GABRA3: variants seen among roughly 807,000 people sequenced by gnomAD.
GABRA3 encodes gamma-aminobutyric acid receptor subunit alpha-3.
GABRA3 carries 10 observed loss-of-function variants against 30.1 expected under a neutral mutation model. The observed-to-expected ratio is 0.33, with a 90% CI of 0.20 to 0.56. The LOEUF is 0.56. GABRA3 is among the 20% of genes least tolerant of loss of function. GABRA3 has a pLI of 0.89. For synonymous variants in GABRA3, 151 were observed against 146.8 expected, an observed-to-expected ratio of 1.03 and a Z score of -0.21; for missense variants, 233 against 392.0, an observed-to-expected ratio of 0.59 and a Z score of 3.42.
intron 1 of GABRA3, among the ~76,000 whole-genome samples, chrX:152,382,751 C>T (rs1425420749): frequency 2.7e-5 from 3 of 111,370 alleles, no homozygotes; most frequent in Non-Finnish European, 5.6e-5. Context: ...ATTCAGTTTT[C>T]CCAACACTAT....
chrX:152,207,752 G>GCA (rs762342133), intron 7 of GABRA3, among the ~76,000 whole-genome samples: 1 of 111,954 alleles, frequency 8.9e-6, no homozygotes, highest in East Asian at 2.8e-4. Flanking sequence ...TCTTCAAGAG[G>GCA]CAGCAGGCAA....
At chrX:152,345,354 T>A (rs1350191470) in intron 3 of GABRA3, among the ~76,000 whole-genome samples, 1 of 111,737 alleles carries the variant, frequency 8.9e-6, no homozygotes, top group East Asian at 2.8e-4. Flanking sequence ...TGTGTATTAC[T>A]CCATATGCAC....
At chrX:152,355,453 C>T (rs886467207) in intron 2 of GABRA3, among the ~76,000 whole-genome samples, 1 of 111,337 alleles carries the variant, frequency 9.0e-6, no homozygotes, top group Non-Finnish European at 1.9e-5. Flanking sequence ...GGCTCTCTCC[C>T]TGTGAAATCT....
At chrX:152,388,321 C>T (rs1929382483) in intron 1 of GABRA3, among the ~76,000 whole-genome samples, 1 of 111,437 alleles carries the variant, frequency 9.0e-6, no homozygotes, top group Admixed American at 9.6e-5. Flanking sequence ...TCAATGAGTG[C>T]CCACCTGATC....
intron 1 of GABRA3, among the ~76,000 whole-genome samples, chrX:152,376,968 A>T (rs753190211): frequency 6.2e-5 from 7 of 112,112 alleles, no homozygotes; most frequent in African/African-American, 1.9e-4. Flanking sequence ...ATTGTCAAGA[A>T]TAATGGAAAA....
At chrX:152,200,218 G>A (rs1464781416) in intron 7 of GABRA3, among the ~76,000 whole-genome samples, 3 of 111,675 alleles carry the variant, frequency 2.7e-5, no homozygotes, top group African/African-American at 9.8e-5. Context: ...TCTTATCAGA[G>A]CTTCTTATTT....
Position 152,392,781 on chromosome X carries a change from A to T in GABRA3, c.-26-28185T>A, listed in dbSNP as rs758882148. On this transcript the variant is annotated intron_variant, in intron 1 of 9. Coordinates refer to ENST00000370314, the MANE Select transcript of GABRA3 (RefSeq NM_000808.4). ...CAGGTACACAAAAGTAGTTTACACT[A>T]TTACGTAGCATTTATGCCAAAGGAG... Among the ~76,000 whole-genome samples the T allele has an allele frequency of 6.2e-5, 7 of 112,409 alleles. No individual in the cohort carries two copies. In the South Asian group the frequency reaches 1.9e-3, roughly 30 times the overall value.
At chrX:152,440,836 G>A (rs1489864227) in intron 1 of GABRA3, among the ~76,000 whole-genome samples, 1 of 110,595 alleles carries the variant, frequency 9.0e-6, no homozygotes, top group Non-Finnish European at 1.9e-5. Flanking sequence ...ACACAGGGAG[G>A]GGAACATCAC....
intron 1 of GABRA3, among the ~76,000 whole-genome samples, chrX:152,440,294 G>A (rs764494700): frequency 3.0e-4 from 34 of 112,518 alleles, no homozygotes; most frequent in African/African-American, 1.0e-3. Flanking sequence ...GCTCATTAGA[G>A]AAATGCAAAT....
intron 5 of GABRA3, among the ~76,000 whole-genome samples, chrX:152,228,550 A>C (rs1487904717): frequency 9.0e-6 from 1 of 110,707 alleles, no homozygotes; most frequent in Non-Finnish European, 1.9e-5. Context: ...TGGAAATAAT[A>C]ATATAAGTGG....
At chrX:152,379,006 A>T (rs1377875745) in intron 1 of GABRA3, among the ~76,000 whole-genome samples, 1 of 111,823 alleles carries the variant, frequency 8.9e-6, no homozygotes, top group Non-Finnish European at 1.9e-5. Context: ...TACACAAAAC[A>T]TAGATGTCTC....
intron 4 of GABRA3, among the ~76,000 whole-genome samples, chrX:152,264,861 A>C (rs1008963726): frequency 2.7e-5 from 3 of 111,693 alleles, no homozygotes; most frequent in Non-Finnish European, 5.7e-5. Flanking sequence ...TATATCAGAC[A>C]AAATAGATAT....
At chrX:152,360,578 G>A (rs867384707) in intron 2 of GABRA3, among the ~76,000 whole-genome samples, 75 of 74,933 alleles carry the variant, frequency 1.0e-3, no homozygotes, top group African/African-American at 3.5e-3. Context: ...GGATAGCATT[G>A]GGAGATATAC....
chrX:152,173,329 C>T (rs1459908733), intron 9 of GABRA3, among the ~76,000 whole-genome samples: 1 of 110,561 alleles, frequency 9.0e-6, no homozygotes, highest in East Asian at 2.8e-4. Context: ...AGATTAGATA[C>T]TATATTTTGG....
chrX:152,393,951 T>C (rs1054678544), intron 1 of GABRA3, among the ~76,000 whole-genome samples: 1 of 111,487 alleles, frequency 9.0e-6, no homozygotes, highest in African/African-American at 3.3e-5. Flanking sequence ...CATTTGACCA[T>C]AATGCACACT....
At chrX:152,394,798 G>C (rs5970293) in intron 1 of GABRA3, among the ~76,000 whole-genome samples, 25,704 of 110,825 alleles carry the variant, frequency 0.23, 2,679 homozygotes, top group Admixed American at 0.36. Flanking sequence ...GGTATCCCAG[G>C]AAAGAATCAC....
At chrX:152,279,062 C>T (rs1459391831) in intron 4 of GABRA3, among the ~76,000 whole-genome samples, 2 of 111,515 alleles carry the variant, frequency 1.8e-5, no homozygotes, top group Non-Finnish European at 3.8e-5. Context: ...CTGTAGGTTG[C>T]CTGTTCACTC....
chrX:152,193,173 C>A (rs758257667), intron 8 of GABRA3, among the ~76,000 whole-genome samples: 6 of 111,320 alleles, frequency 5.4e-5, no homozygotes, highest in Non-Finnish European at 7.5e-5. Context: ...CCCATCTCCC[C>A]AAAGATTCCT....
chrX:152,168,832 T>G (rs1443062700), intron 9 of GABRA3, among the ~76,000 whole-genome samples: 1 of 112,434 alleles, frequency 8.9e-6, no homozygotes, highest in Non-Finnish European at 1.9e-5. Flanking sequence ...AGTTTCTTCA[T>G]CTGTAAAATG....
Sources: gnomAD v4.1 joint callset for allele counts (sites outside exome capture counted in the v4.1 genomes callset) on GRCh38, gnomAD v4.1.1 for gene constraint, MANE v1.5 for transcripts, NCBI Gene and HGNC (gene_info 2026-07-23, HGNC 2026-07-21) for gene names.